The following PTK2 variants were observed in gnomAD, a reference collection of about 807,000 sequenced individuals.
PTK2 encodes the protein focal adhesion kinase 1.
Under a neutral mutation model 150.1 loss-of-function variants are expected in PTK2, and 45 were observed. The observed-to-expected ratio is 0.30, with a 90% CI of 0.24 to 0.38. PTK2 has a LOEUF of 0.38. PTK2 is among the 10% of genes least tolerant of loss of function. The pLI is 1.00. For synonymous variants in PTK2, 432 were observed against 449.2 expected (o/e 0.96, Z 0.48); for missense variants, 919 against 1,307.3 (o/e 0.70, Z 4.58).
intron 1 of PTK2, among the ~76,000 whole-genome samples, chr8:140,995,338 G>A (rs1241098482): frequency 2.1e-5 from 3 of 141,776 alleles, no homozygotes; most frequent in East Asian, 2.1e-4. Flanking sequence ...AGCCGAGATC[G>A]CACCACTGCA....
At chr8:140,737,500 CTT>C (rs753440589) in intron 21 of PTK2, among the ~76,000 whole-genome samples, 2 of 152,160 alleles carry the variant, frequency 1.3e-5, no homozygotes, top group East Asian at 3.9e-4. Context: ...TTCTAGGAAA[CTT>C]TATTAGTTTA....
At chr8:140,979,376 C>G (rs1414627110) in intron 1 of PTK2, among the ~76,000 whole-genome samples, 1 of 145,392 alleles carries the variant, frequency 6.9e-6, no homozygotes, top group Admixed American at 6.9e-5. Context: ...GCAATCCACA[C>G]ATAGAAAGAA....
exon 3 of PTK2, chr8:140,890,543 C>T: frequency 6.2e-7 from 1 of 1,612,412 alleles, no homozygotes; most frequent in Non-Finnish European, 8.5e-7. Context: ...ACGTACTTAC[C>T]CTGACATCAG....
At position 140,841,138 on chromosome 8, in the gene PTK2, C is replaced by G. The variant is rs79245470; in HGVS notation, c.593+5122G>C. 8.5e-4 allele frequency among the ~76,000 whole-genome samples: 129 copies of G among 152,204 alleles called. 1 individual carries two copies. In the East Asian group the frequency reaches 0.024, roughly 28 times the overall value. ...TCATTATCACAGATGGGTATGTTAA[C>G]AAGCTTGATTAGGAAGTGCATTTTT... On this transcript the variant is annotated intron_variant, in intron 7 of 31. Transcript: ENST00000522684.
At chr8:140,873,280 CAG>C (rs1203828984) in intron 4 of PTK2, among the ~76,000 whole-genome samples, 9 of 152,338 alleles carry the variant, frequency 5.9e-5, no homozygotes, top group East Asian at 1.9e-4. Flanking sequence ...TCTCCAGCTA[CAG>C]AGAGTGTCAG....
chr8:140,746,693 T>A, intron 18 of PTK2, 67 bp downstream of exon 21: 1 of 1,210,350 alleles, frequency 8.3e-7, no homozygotes, highest in Non-Finnish European at 1.2e-6. Context: ...ACTGTTTATA[T>A]TTTCCTTTCT....
chr8:140,692,474 G>A (rs572062471), intron 26 of PTK2, among the ~76,000 whole-genome samples: 94 of 152,208 alleles, frequency 6.2e-4, no homozygotes, highest in African/African-American at 8.9e-4. Flanking sequence ...AAAATTAGCC[G>A]GGCATGGTGG....
At chr8:140,767,449 GT>G (rs35554745) in intron 14 of PTK2, among the ~76,000 whole-genome samples, 85,084 of 151,828 alleles carry the variant, frequency 0.56, 24,880 homozygotes, top group African/African-American at 0.71. Flanking sequence ...CTATATATGA[GT>G]TTCATATGTA....
chr8:140,785,511 A>G (rs1036920237), intron 14 of PTK2, among the ~76,000 whole-genome samples: 6 of 152,174 alleles, frequency 3.9e-5, no homozygotes, highest in African/African-American at 1.4e-4. Context: ...TAAAGTACTC[A>G]GGAAAGCTTT....
intron 13 of PTK2, 75 bp from the exon 14 acceptor site, chr8:140,789,601 G>A: frequency 3.4e-6 from 5 of 1,460,708 alleles, no homozygotes; most frequent in Non-Finnish European, 4.7e-6. Flanking sequence ...ATCAAGTGGG[G>A]AACTGCCTTG....
intron 26 of PTK2, among the ~76,000 whole-genome samples, chr8:140,695,610 C>T (rs191688007): frequency 6.6e-6 from 1 of 152,170 alleles, no homozygotes; most frequent in African/African-American, 2.4e-5. Context: ...GGGGTTTGGC[C>T]ATGTTGGTCT....
intron 1 of PTK2, among the ~76,000 whole-genome samples, chr8:140,992,501 A>C (rs752187712): frequency 3.9e-5 from 6 of 152,074 alleles, no homozygotes; most frequent in Non-Finnish European, 4.4e-5. Flanking sequence ...AGCTTGCTGA[A>C]CACCACCCTC....
intron 22 of PTK2, among the ~76,000 whole-genome samples, chr8:140,719,012 C>G (rs550454911): frequency 5.3e-5 from 8 of 152,222 alleles, no homozygotes; most frequent in Non-Finnish European, 2.9e-5. Flanking sequence ...CCCACCTCTA[C>G]TAAAAATACA....
chr8:140,709,352 A>G (rs1390845716), intron 23 of PTK2, among the ~76,000 whole-genome samples: 3 of 152,276 alleles, frequency 2.0e-5, no homozygotes, highest in Non-Finnish European at 4.4e-5. Flanking sequence ...AAAGGTAAAA[A>G]GTTGAAAATA....
At chr8:140,698,923 T>TG (rs2100028507) in intron 26 of PTK2, among the ~76,000 whole-genome samples, 3 of 116,554 alleles carry the variant, frequency 2.6e-5, no homozygotes, top group African/African-American at 9.7e-5. Flanking sequence ...CTAATTTTTG[T>TG]ATTTTTTTTT....
In PTK2 at chr8:140,901,106, T is replaced by C. The variant is rs566570308; in HGVS notation, c.-32-10337A>G. On this transcript the variant is annotated intron_variant, in intron 2 of 31. Transcript: ENST00000522684. Reference sequence around the variant, plus strand: ...GATCTCAAATATAAATCCATACATTTACAACCAATTCATTTTTGACAAAGC... The same window carrying C: ...GATCTCAAATATAAATCCATACATTCACAACCAATTCATTTTTGACAAAGC... Among the ~76,000 whole-genome samples, 8 of 152,244 alleles carry C rather than the reference T, an allele frequency of 5.3e-5. No homozygotes were observed. The East Asian group carries it at 1.5e-3, about 29-fold the overall frequency.
chr8:140,964,547 A>ATT (rs1025644210), intron 1 of PTK2, among the ~76,000 whole-genome samples: 63 of 76,846 alleles, frequency 8.2e-4, no homozygotes, highest in African/African-American at 2.0e-3. Flanking sequence ...GCCCCAGGTA[A>ATT]TTTTTTTTTT....
At chr8:140,663,361 A>G (rs2083738932) in intron 31 of PTK2, among the ~76,000 whole-genome samples, 1 of 152,246 alleles carries the variant, frequency 6.6e-6, no homozygotes. Context: ...TGATTTCAAA[A>G]TAAAAAGGAC....
intron 14 of PTK2, 58 bp downstream of exon 16, chr8:140,769,517 T>A: frequency 8.4e-7 from 1 of 1,189,166 alleles, no homozygotes; most frequent in Non-Finnish European, 1.1e-6. Context: ...CTAAACTATA[T>A]TTATTTTCAT....
Sources: gnomAD v4.1 joint callset for allele counts (sites outside exome capture counted in the v4.1 genomes callset) on GRCh38, gnomAD v4.1.1 for gene constraint, MANE v1.5 for transcripts, NCBI Gene and HGNC (gene_info 2026-07-23, HGNC 2026-07-21) for gene names.